Variants in IQGAP1 observed in about 807,000 individuals in gnomAD.
The protein encoded by IQGAP1 is ras GTPase-activating-like protein IQGAP1.
In IQGAP1, 66 loss-of-function variants were observed where a neutral mutation model predicts 215.6. The observed-to-expected ratio is 0.31, with a 90% CI of 0.25 to 0.38. The LOEUF (loss-of-function observed/expected upper bound fraction) is 0.38. Among genes scored for constraint, IQGAP1 ranks in the 10% least tolerant of loss-of-function variants. The pLI is 1.00. For synonymous variants in IQGAP1, 772 were observed against 728.7 expected, an observed-to-expected ratio of 1.06 and a Z score of -0.96; for missense variants, 1,712 against 1,997.1, an observed-to-expected ratio of 0.86 and a Z score of 2.72.
At position 90,473,958 on chromosome 15, in the gene IQGAP1, C is replaced by G. The variant is rs754634507; in HGVS notation, c.2496C>G (p.Phe832Leu). The change falls in exon 21 of 38, where the codon TTC becomes TTG. Residue 832 changes from phenylalanine (F) to leucine (L), a missense_variant. Phe to Leu is a conservative substitution (Grantham distance 22, BLOSUM62 0). Around this residue, in one of 2 missense-constraint regions of IQGAP1, gnomAD observed 1,021 missense variants for 1,074.2 expected, o/e 0.95. Transcript: ENST00000268182. ...GCTATCGAGATCGCCTGCAGTACTT[C>G]CGGGACCATGTAAGCACCCTTGGAT... is the stretch of plus-strand genomic sequence containing the variant. ...RKRYRDRLQY[F>L]RDHINDIIKI... 8 of 1,614,026 alleles carry G rather than the reference C, an allele frequency of 5.0e-6. No homozygotes were observed. The Admixed American group carries it at 1.3e-4, about 27-fold the overall frequency.
At chr15:90,430,329 A>AT in intron 4 of IQGAP1, among the ~76,000 whole-genome samples, 1 of 152,108 alleles carries the variant, frequency 6.6e-6, no homozygotes, top group South Asian at 2.1e-4. Context: ...TTTTGTTCTC[A>AT]TTTTTTTCTG....
chr15:90,399,023 A>T (rs1043597525), intron 2 of IQGAP1, among the ~76,000 whole-genome samples: 7 of 148,006 alleles, frequency 4.7e-5, no homozygotes, highest in Admixed American at 2.7e-4. Flanking sequence ...AAAAAAAAAA[A>T]AAGTGAATAT....
At chr15:90,451,833 CTTTT>C (rs1000688423) in intron 11 of IQGAP1, among the ~76,000 whole-genome samples, 2 of 139,510 alleles carry the variant, frequency 1.4e-5, no homozygotes, top group Admixed American at 7.1e-5. Flanking sequence ...TCTGTGTGCC[CTTTT>C]TTTTTTTTTT....
intron 18 of IQGAP1, among the ~76,000 whole-genome samples, chr15:90,472,077 G>A (rs866084819): frequency 6.6e-6 from 1 of 152,048 alleles, no homozygotes; most frequent in Non-Finnish European, 1.5e-5. Context: ...TCCACCCTGG[G>A]CAATATAATG....
chr15:90,429,687 G>T, intron 4 of IQGAP1, 21 bp downstream of exon 4: 1 of 1,517,508 alleles, frequency 6.6e-7, no homozygotes, highest in Non-Finnish European at 9.0e-7. Flanking sequence ...TGAGATAATA[G>T]TTTAGGCTTT....
intron 2 of IQGAP1, among the ~76,000 whole-genome samples, chr15:90,409,404 A>AT (rs1208967808): frequency 6.6e-6 from 1 of 151,754 alleles, no homozygotes; most frequent in Non-Finnish European, 1.5e-5. Context: ...CAGCCAGCTA[A>AT]TTTTTGTATT....
intron 30 of IQGAP1, among the ~76,000 whole-genome samples, chr15:90,484,751 T>C (rs991192162): frequency 1.3e-5 from 2 of 152,130 alleles, no homozygotes; most frequent in African/African-American, 2.4e-5. Context: ...CCTCATGATC[T>C]GCCCACCTCG....
At chr15:90,395,516 T>G (rs566980216) in intron 2 of IQGAP1, among the ~76,000 whole-genome samples, 1 of 152,246 alleles carries the variant, frequency 6.6e-6, no homozygotes, top group East Asian at 1.9e-4. Flanking sequence ...GAGACGGGGT[T>G]TCACCGTGTT....
chr15:90,421,541 G>C (rs568486012), intron 2 of IQGAP1, among the ~76,000 whole-genome samples: 33 of 152,144 alleles, frequency 2.2e-4, no homozygotes, highest in Non-Finnish European at 4.7e-4. Context: ...AGGAGTCTCT[G>C]TTGATTGAAA....
chr15:90,427,165 G>A (rs558418516), intron 3 of IQGAP1, among the ~76,000 whole-genome samples: 14 of 152,114 alleles, frequency 9.2e-5, no homozygotes, highest in Admixed American at 8.5e-4. Flanking sequence ...GGGAGACTGA[G>A]GCAAGAGGAT....
intron 4 of IQGAP1, among the ~76,000 whole-genome samples, chr15:90,430,090 T>C (rs1965281486): frequency 1.3e-5 from 2 of 152,214 alleles, no homozygotes; most frequent in Non-Finnish European, 2.9e-5. Flanking sequence ...TGAAGGGTCA[T>C]TTTTTATTTT....
At chr15:90,424,880 T>C (rs1335389022) in intron 2 of IQGAP1, among the ~76,000 whole-genome samples, 6 of 151,798 alleles carry the variant, frequency 4.0e-5, no homozygotes, top group Non-Finnish European at 8.8e-5. Flanking sequence ...AATTAGGAGT[T>C]TTAAATCTAG....
rs763321490 is a variant in IQGAP1, at chr15:90,483,487, A to G, written c.3682A>G (p.Ile1228Val). The G allele has an allele frequency of 1.9e-6, 3 of 1,614,230 alleles. No individual in the cohort carries two copies. The highest frequency in any genetic ancestry group is 2.5e-6 in the Non-Finnish European group (3 of 1,180,044). The part of the protein sequence containing the change: ...TTDQRRNLGS[I>V]AKMLQHAASN... ...AGACCAACGCCGAAATCTGGGCTCC[A>G]TTGCAAAAATGCTTCAGCATGCTGC... Residue 1228 changes from isoleucine to valine, a missense_variant, in exon 29 of 38, where the codon ATT becomes GTT. Coordinates refer to ENST00000268182, the MANE Select transcript of IQGAP1 (RefSeq NM_003870.4).
chr15:90,426,814 G>T lies in IQGAP1; in HGVS notation c.312+548G>T, dbSNP rs914174870. The stretch of plus-strand genomic sequence containing the variant: ...CCAAAAATACAAAAATTAGCCGGGC[G>T]TGGTGGTGCATGCCTGTAATCCCAG... On this transcript the variant is annotated intron_variant, in intron 3 of 37. Transcript: ENST00000268182. Among the ~76,000 whole-genome samples the T allele has an allele frequency of 2.0e-5, 3 of 151,784 alleles. 1 individual carries two copies. The East Asian group carries it at 5.8e-4, about 29-fold the overall frequency.
Position 90,476,709 on chromosome 15 carries a change from A to T in IQGAP1, c.2831A>T (p.Gln944Leu). 1 of 1,600,076 alleles carries T rather than the reference A, an allele frequency of 6.2e-7. No individual in the cohort carries two copies. Among genetic ancestry groups the T allele is most frequent in the African/African-American group, 1.4e-5 (1 of 73,806 alleles). Residue 944 changes from glutamine to leucine, a missense_variant, in exon 24 of 38, where the codon CAG becomes CTG. This residue lies in a region of IQGAP1 where 691 missense variants were observed against 923.0 expected (regional missense o/e 0.75). Coordinates refer to ENST00000268182, the MANE Select transcript of IQGAP1 (RefSeq NM_003870.4). ...AAACTTACCAAAAAAAATAAGGAAC[A>T]GTTGTCTGATATGATGATGATAAAT... ...SKKLTKKNKE[Q>L]LSDMMMINKQ...
In IQGAP1 at chr15:90,482,029, C is replaced by T. The variant is rs781665882; in HGVS notation, c.3399C>T (p.Ser1133=). 2 of 1,614,222 alleles carry T rather than the reference C, an allele frequency of 1.2e-6. No individual in the cohort carries two copies. The highest frequency in any genetic ancestry group is 2.2e-5 in the South Asian group (2 of 91,084). The change falls in exon 27 of 38, where the codon AGC becomes AGT. Residue 1133 remains serine (S), a synonymous_variant. Coordinates refer to ENST00000268182, the MANE Select transcript of IQGAP1 (RefSeq NM_003870.4). ...AHEEVKTRLD[S]SIRNMRAVTD... Reference sequence around the variant, plus strand: ...AAGAAGTGAAGACACGGCTAGACAGCTCCATCAGGAACATGCGGGCTGTGA... The same window carrying T: ...AAGAAGTGAAGACACGGCTAGACAGTTCCATCAGGAACATGCGGGCTGTGA...
intron 11 of IQGAP1, 47 bp from the exon 12 acceptor site, chr15:90,452,728 A>G: frequency 6.3e-7 from 1 of 1,586,022 alleles, no homozygotes; most frequent in Non-Finnish European, 8.6e-7. Context: ...TCTTCCCCTG[A>G]GGGCTCTCTA....
chr15:90,388,520 G>A, intron 1 of IQGAP1, 124 bp downstream of exon 1: 2 of 856,920 alleles, frequency 2.3e-6, no homozygotes, highest in Middle Eastern at 3.7e-4. Context: ...GGACCCGGAA[G>A]AGCCGTCCCG....
chr15:90,496,769 A>G (rs1292751645), intron 36 of IQGAP1: 2 of 153,002 alleles, frequency 1.3e-5, no homozygotes, highest in Non-Finnish European at 2.9e-5. Flanking sequence ...CTTTCTAGAA[A>G]ACCTCCTCCC....
Sources: gnomAD v4.1 joint callset for allele counts (sites outside exome capture counted in the v4.1 genomes callset) on GRCh38, gnomAD v4.1.1 for gene constraint, gnomAD v4.1.1 regional missense constraint, MANE v1.5 for transcripts, NCBI Gene and HGNC (gene_info 2026-07-23, HGNC 2026-07-21) for gene names.